Variants in SLC39A10 observed in about 807,000 individuals in gnomAD.
The protein encoded by SLC39A10 is solute carrier family 39 member 10.
A neutral mutation model predicts 65.1 loss-of-function variants in SLC39A10; 13 were observed. The ratio of observed to expected loss-of-function variants is 0.20; its 90% CI spans 0.13 to 0.32. The LOEUF (loss-of-function observed/expected upper bound fraction) is 0.32. SLC39A10 is among the 10% of genes least tolerant of loss of function. The pLI, the probability that SLC39A10 is intolerant of heterozygous loss-of-function variation, is 1.00. For missense variants in SLC39A10, 831 were observed against 1,018.4 expected (o/e 0.82, Z 2.50); for synonymous variants, 321 against 342.2 (o/e 0.94, Z 0.68).
At chr2:195,624,887 C>CAA (rs60370795) in intron 2 of SLC39A10, among the ~76,000 whole-genome samples, 706 of 46,982 alleles carry the variant, frequency 0.015, 17 homozygotes, top group African/African-American at 0.051. Context: ...GACTCCATCT[C>CAA]AAAAAAAAAA....
chr2:195,680,383 T>C lies in SLC39A10; in HGVS notation c.341T>C (p.Ile114Thr), dbSNP rs200172743. 1.3e-5 allele frequency: 21 copies of C among 1,614,018 alleles called. No individual in the cohort carries two copies. Among genetic ancestry groups the C allele is most frequent in the Non-Finnish European group, 6.8e-6 (8 of 1,180,038 alleles). The change falls in exon 2 of 10, where the codon ATT becomes ACT. Residue 114 changes from isoleucine (I) to threonine (T), a missense_variant. Physicochemically the swap from Ile to Thr is moderately conservative, Grantham distance 89 (BLOSUM62 -1). Coordinates refer to ENST00000359634, the MANE Select transcript of SLC39A10 (RefSeq NM_020342.3). ...LGHDHVSHLD[I>T]LAVQEGKHFH... ...CACGATCATGTTTCTCATTTAGATA[T>C]TTTGGCAGTTCAAGAGGGAAAGCAT...
intron 8 of SLC39A10, among the ~76,000 whole-genome samples, chr2:195,724,912 G>A (rs1692180645): frequency 6.6e-6 from 1 of 152,104 alleles, no homozygotes; most frequent in South Asian, 2.1e-4. Context: ...AATCAAAACA[G>A]TTGGAATTGG....
chr2:195,706,520 C>T, intron 3 of SLC39A10, 96 bp from the exon 4 acceptor site: 4 of 1,195,864 alleles, frequency 3.3e-6, no homozygotes, highest in South Asian at 1.5e-5. Flanking sequence ...AATAGTCTAC[C>T]TTCTACGATT....
intron 2 of SLC39A10, 48 bp from the exon 3 acceptor site, chr2:195,683,651 C>T: frequency 1.4e-6 from 2 of 1,426,414 alleles, no homozygotes; most frequent in Admixed American, 1.9e-5. Context: ...TTTGCATAAT[C>T]TCCTTAAAGA....
chr2:195,644,372 C>G (rs1030368875), intron 2 of SLC39A10, among the ~76,000 whole-genome samples: 3 of 144,712 alleles, frequency 2.1e-5, no homozygotes, highest in African/African-American at 7.7e-5. Context: ...GACGGAGTCT[C>G]GCTCTGTTGC....
chr2:195,667,601 A>G (rs976681199), intron 1 of SLC39A10, among the ~76,000 whole-genome samples: 3 of 152,254 alleles, frequency 2.0e-5, no homozygotes, highest in Non-Finnish European at 2.9e-5. Flanking sequence ...TGAAAGATAC[A>G]TAATACTACA....
At chr2:195,676,514 G>C (rs1312230301) in intron 1 of SLC39A10, among the ~76,000 whole-genome samples, 1 of 151,978 alleles carries the variant, frequency 6.6e-6, no homozygotes, top group Non-Finnish European at 1.5e-5. Flanking sequence ...TTTTCTTCTA[G>C]AACTTGTTGA....
intron 2 of SLC39A10, among the ~76,000 whole-genome samples, chr2:195,623,939 A>ACACACC (rs1260706216): frequency 1.4e-5 from 2 of 140,942 alleles, no homozygotes; most frequent in African/African-American, 5.1e-5. Context: ...ACACACACAC[A>ACACACC]CCGTCTTAGA....
At chr2:195,616,622 G>A (rs1688215742) in intron 2 of SLC39A10, among the ~76,000 whole-genome samples, 1 of 148,598 alleles carries the variant, frequency 6.7e-6, no homozygotes, top group Non-Finnish European at 1.5e-5. Context: ...ATCTTGTTAT[G>A]AGTGAAGTTG....
At chr2:195,689,883 CA>C (rs1170473761) in intron 3 of SLC39A10, among the ~76,000 whole-genome samples, 2 of 152,112 alleles carry the variant, frequency 1.3e-5, no homozygotes, top group South Asian at 2.1e-4. Flanking sequence ...GTAGCATCAG[CA>C]ATTTCTTCCT....
chr2:195,729,317 T>G (rs1029232196), intron 9 of SLC39A10, among the ~76,000 whole-genome samples: 6 of 152,158 alleles, frequency 3.9e-5, no homozygotes, highest in Non-Finnish European at 8.8e-5. Context: ...TAATGCCTAT[T>G]TATCATAGAA....
At chr2:195,715,612 A>G (rs1427450756) in intron 6 of SLC39A10, among the ~76,000 whole-genome samples, 1 of 152,120 alleles carries the variant, frequency 6.6e-6, no homozygotes, top group Non-Finnish European at 1.5e-5. Context: ...AAATAAATAT[A>G]AAGAAGCAAT....
At chr2:195,661,099 A>G (rs886901252) in intron 1 of SLC39A10, among the ~76,000 whole-genome samples, 1 of 152,180 alleles carries the variant, frequency 6.6e-6, no homozygotes, top group Non-Finnish European at 1.5e-5. Flanking sequence ...ATTATAACAC[A>G]ATATACCACT....
intron 1 of SLC39A10, among the ~76,000 whole-genome samples, chr2:195,676,162 A>G (rs749270418): frequency 3.3e-5 from 5 of 151,858 alleles, no homozygotes; most frequent in South Asian, 2.1e-4. Flanking sequence ...CTTCTAGTAT[A>G]TGGCTTGCTA....
At chr2:195,674,488 G>A in intron 1 of SLC39A10, 6 of 555,942 alleles carry the variant, frequency 1.1e-5, no homozygotes, top group Non-Finnish European at 1.4e-5. Flanking sequence ...TGTTGGTCAG[G>A]CTGGTCTTGA....
chr2:195,722,154 C>T (rs1035460079), intron 8 of SLC39A10, among the ~76,000 whole-genome samples: 8 of 152,178 alleles, frequency 5.3e-5, no homozygotes, highest in African/African-American at 1.9e-4. Context: ...CAGATGTCTA[C>T]CTGTTTTATC....
intron 2 of SLC39A10, among the ~76,000 whole-genome samples, chr2:195,616,726 T>C (rs4578880): frequency 0.84 from 127,471 of 151,728 alleles, 53,661 homozygotes; most frequent in East Asian, 1. Flanking sequence ...GCCTCAGCCT[T>C]CCAAGTAGCT....
At chr2:195,675,930 G>A (rs892028093) in intron 1 of SLC39A10, among the ~76,000 whole-genome samples, 14 of 151,992 alleles carry the variant, frequency 9.2e-5, no homozygotes, top group African/African-American at 3.4e-4. Flanking sequence ...TTAACATCTA[G>A]TATTGTGAGA....
chr2:195,689,081 CTG>C (rs1251149338), intron 3 of SLC39A10, among the ~76,000 whole-genome samples: 2 of 152,120 alleles, frequency 1.3e-5, no homozygotes, highest in East Asian at 1.9e-4. Flanking sequence ...TCTGAAAAGA[CTG>C]TGATGATTTA....
Sources: gnomAD v4.1 joint callset for allele counts (sites outside exome capture counted in the v4.1 genomes callset) on GRCh38, gnomAD v4.1.1 for gene constraint, MANE v1.5 for transcripts, NCBI Gene and HGNC (gene_info 2026-07-23, HGNC 2026-07-21) for gene names.